DOCK7: variants seen among roughly 807,000 people sequenced by gnomAD.
DOCK7 encodes dedicator of cytokinesis protein 7.
DOCK7 carries 138 observed loss-of-function variants against 271.0 expected under a neutral mutation model. The ratio of observed to expected loss-of-function variants is 0.51; its 90% CI spans 0.44 to 0.59. The LOEUF (loss-of-function observed/expected upper bound fraction) is 0.59. Ranked by LOEUF, DOCK7 falls within the 20% of genes least tolerant of loss-of-function variation. The pLI is 0.00. For synonymous variants in DOCK7, 823 were observed against 876.1 expected, an observed-to-expected ratio of 0.94 and a Z score of 1.07; for missense variants, 2,066 against 2,592.4, an observed-to-expected ratio of 0.80 and a Z score of 4.41.
intron 4 of DOCK7, among the ~76,000 whole-genome samples, chr1:62,649,474 A>T (rs573907858): frequency 6.6e-6 from 1 of 152,326 alleles, no homozygotes; most frequent in Admixed American, 6.5e-5. Flanking sequence ...CATGAAAGTT[A>T]TTACTTAGAA....
chr1:62,604,190 G>C, intron 14 of DOCK7: 1 of 1,613,260 alleles, frequency 6.2e-7, no homozygotes. Context: ...TTCTACTTGG[G>C]ATCACAAAGC....
intron 15 of DOCK7, chr1:62,584,007 T>C (rs1397390461): frequency 8.5e-6 from 3 of 354,392 alleles, no homozygotes; most frequent in Non-Finnish European, 1.2e-5. Flanking sequence ...TGCAGTGTTA[T>C]CTAGCCAGAG....
chr1:62,540,453 AT>A (rs781573155), intron 25 of DOCK7, among the ~76,000 whole-genome samples: 77 of 152,294 alleles, frequency 5.1e-4, no homozygotes, highest in Non-Finnish European at 1.0e-3. Flanking sequence ...GATTACAGGC[AT>A]GTAATCTATC....
chr1:62,586,411 A>G (rs779030379), intron 15 of DOCK7, 96 bp downstream of exon 15: 4 of 814,098 alleles, frequency 4.9e-6, no homozygotes, highest in Admixed American at 2.7e-5. Flanking sequence ...AAAAGATCAC[A>G]TTAATTTCCA....
At chr1:62,499,054 G>A (rs1254386674) in intron 37 of DOCK7, among the ~76,000 whole-genome samples, 3 of 151,866 alleles carry the variant, frequency 2.0e-5, no homozygotes, top group East Asian at 1.9e-4. Flanking sequence ...CACCTGCCTC[G>A]GCCTCCCAAA....
chr1:62,542,783 CG>C, intron 24 of DOCK7, 80 bp from the exon 25 acceptor site: 1 of 1,351,004 alleles, frequency 7.4e-7, no homozygotes, highest in African/African-American at 1.4e-5. Flanking sequence ...CAAATACAAA[CG>C]AAGATATAAT....
chr1:62,596,447 T>C (rs1649259785), intron 14 of DOCK7, among the ~76,000 whole-genome samples: 2 of 152,178 alleles, frequency 1.3e-5, no homozygotes, highest in Admixed American at 1.3e-4. Flanking sequence ...ATCACTAATA[T>C]AAGCATTTAG....
rs559326343 is a variant in DOCK7, at chr1:62,585,954, A to G, written c.1800+553T>C. On this transcript the variant is annotated intron_variant, in intron 15 of 49. Transcript: ENST00000635253. ...TTCAGCCTGAGCACTGGTAGTTTGAAAAGCTTCCCAGGTGAATCTAATGTG... is the reference window on the plus strand; with the variant it reads ...TTCAGCCTGAGCACTGGTAGTTTGAGAAGCTTCCCAGGTGAATCTAATGTG... Among the ~76,000 whole-genome samples, 15 of 152,282 alleles carry G rather than the reference A, an allele frequency of 9.9e-5. No homozygotes were observed. The South Asian group carries it at 2.9e-3, about 29-fold the overall frequency.
intron 7 of DOCK7, among the ~76,000 whole-genome samples, chr1:62,644,236 T>C (rs1656365322): frequency 6.6e-6 from 1 of 152,232 alleles, no homozygotes; most frequent in African/African-American, 2.4e-5. Flanking sequence ...AACTAAACTT[T>C]TGCCTTGGAA....
chr1:62,545,843 C>G (rs1397596484), intron 22 of DOCK7, among the ~76,000 whole-genome samples: 1 of 152,082 alleles, frequency 6.6e-6, no homozygotes, highest in Non-Finnish European at 1.5e-5. Context: ...AGAGGCTTTT[C>G]TTCTATTTCC....
chr1:62,597,693 G>A, intron 14 of DOCK7: 1 of 1,613,552 alleles, frequency 6.2e-7, no homozygotes, highest in Non-Finnish European at 8.5e-7. Context: ...GTTAGACGAT[G>A]TAAAAATTTT....
intron 12 of DOCK7, among the ~76,000 whole-genome samples, chr1:62,624,106 A>G (rs1371966552): frequency 6.6e-6 from 1 of 152,178 alleles, no homozygotes; most frequent in East Asian, 1.9e-4. Flanking sequence ...CCATTCTTAT[A>G]TGGTTCTAGT....
chr1:62,682,950 G>T lies in DOCK7; in HGVS notation c.38+5277C>A, dbSNP rs148301480. ...AGTACAATAAAATAGGTAAGCTTTA[G>T]GAACAAGAGACCTTTCAGGCTCAAG... is the stretch of plus-strand genomic sequence containing the variant. On this transcript the variant is annotated intron_variant, in intron 1 of 49. Transcript: ENST00000635253. Among the ~76,000 whole-genome samples, 105 of 152,266 alleles carry T rather than the reference G, an allele frequency of 6.9e-4. 2 individuals carry two copies. The highest frequency in any genetic ancestry group is 3.4e-3 in the Middle Eastern group (1 of 294).
At chr1:62,545,106 C>G in intron 22 of DOCK7, 67 bp from the exon 23 acceptor site, 1 of 1,372,904 alleles carries the variant, frequency 7.3e-7, no homozygotes, top group South Asian at 1.4e-5. Flanking sequence ...ATAAATTATT[C>G]TTAAAGAAAT....
chr1:62,640,740 GTA>G (rs991971863), intron 7 of DOCK7, among the ~76,000 whole-genome samples: 1 of 152,104 alleles, frequency 6.6e-6, no homozygotes, highest in Admixed American at 6.5e-5. Context: ...CAGCTACAGA[GTA>G]TAGCATATGA....
intron 27 of DOCK7, among the ~76,000 whole-genome samples, chr1:62,538,274 C>T (rs967234211): frequency 6.6e-6 from 1 of 152,132 alleles, no homozygotes; most frequent in Admixed American, 6.5e-5. Flanking sequence ...TTTGACTAAC[C>T]TAAAAGCCAC....
At chr1:62,662,558 C>G (rs1325820459) in intron 2 of DOCK7, among the ~76,000 whole-genome samples, 1 of 152,054 alleles carries the variant, frequency 6.6e-6, no homozygotes, top group African/African-American at 2.4e-5. Context: ...GTCAGGAGTT[C>G]AAGACCAGCC....
intron 14 of DOCK7, among the ~76,000 whole-genome samples, chr1:62,617,608 C>T (rs1652608684): frequency 6.6e-6 from 1 of 151,752 alleles, no homozygotes; most frequent in Non-Finnish European, 1.5e-5. Context: ...TTGAAGTTAG[C>T]AGAAGAGAAC....
chr1:62,499,903 C>G (rs1008710552), intron 37 of DOCK7, among the ~76,000 whole-genome samples: 1 of 145,750 alleles, frequency 6.9e-6, no homozygotes, highest in Non-Finnish European at 1.5e-5. Flanking sequence ...AATAAATACA[C>G]AAGAAACCCA....
Sources: allele counts gnomAD v4.1 joint callset (sites outside exome capture counted in the v4.1 genomes callset), GRCh38; gene constraint gnomAD v4.1.1; transcripts MANE v1.5; gene names NCBI Gene and HGNC (gene_info 2026-07-23, HGNC 2026-07-21).